Variants in PTPRO observed in about 807,000 individuals in gnomAD.
PTPRO encodes the protein receptor-type tyrosine-protein phosphatase O.
PTPRO carries 62 observed loss-of-function variants against 145.2 expected under a neutral mutation model. The observed-to-expected ratio is 0.43, with a 90% confidence interval of 0.35 to 0.53. PTPRO has a LOEUF of 0.53. Among genes scored for constraint, PTPRO ranks in the 20% least tolerant of loss-of-function variants. PTPRO has a pLI of 0.01. For synonymous variants in PTPRO, 565 were observed against 514.7 expected, an observed-to-expected ratio of 1.10 and a Z score of -1.32; for missense variants, 1,345 against 1,482.7, an observed-to-expected ratio of 0.91 and a Z score of 1.53.
intron 12 of PTPRO, among the ~76,000 whole-genome samples, chr12:15,526,715 C>CT (rs1942847166): frequency 1.3e-5 from 2 of 151,934 alleles, no homozygotes; most frequent in East Asian, 1.9e-4. Flanking sequence ...CAAAAAGAAA[C>CT]TAATTTATAA....
chr12:15,358,144 C>A (rs888900389), intron 1 of PTPRO, among the ~76,000 whole-genome samples: 24 of 147,620 alleles, frequency 1.6e-4, no homozygotes, highest in African/African-American at 6.0e-4. Flanking sequence ...GGACAAAAAA[C>A]CAAACACTCT....
intron 1 of PTPRO, chr12:15,348,748 A>G (rs1390643136): frequency 3.3e-5 from 5 of 151,722 alleles, no homozygotes; most frequent in Admixed American, 2.6e-4. Flanking sequence ...AGCTCGCGCC[A>G]CTGCATTCCA....
intron 1 of PTPRO, among the ~76,000 whole-genome samples, chr12:15,443,522 T>C (rs1036150958): frequency 1.3e-5 from 2 of 152,002 alleles, no homozygotes; most frequent in Admixed American, 1.3e-4. Context: ...CTAAAGAGCT[T>C]CTGCACACCG....
At chr12:15,471,450 GA>G (rs1181732637) in intron 1 of PTPRO, among the ~76,000 whole-genome samples, 1 of 152,062 alleles carries the variant, frequency 6.6e-6, no homozygotes, top group Non-Finnish European at 1.5e-5. Context: ...TATCTGAAAG[GA>G]TACATTTAGG....
chr12:15,514,474 G>GT (rs1219116695), intron 7 of PTPRO, among the ~76,000 whole-genome samples: 5,387 of 129,118 alleles, frequency 0.042, 139 homozygotes, highest in East Asian at 0.098. Flanking sequence ...AAAAAAAAAA[G>GT]AAAGAACAGT....
rs565874015 is a variant in PTPRO, at chr12:15,578,400, T to C, written c.2830-453T>C. On this transcript the variant is annotated intron_variant, in intron 19 of 26. Transcript: ENST00000281171. ...ACCACTAAGTTATCCAAGGTATTTATGTGTTGTATTAGATAGCTATTACCA... is the reference window on the plus strand; with the variant it reads ...ACCACTAAGTTATCCAAGGTATTTACGTGTTGTATTAGATAGCTATTACCA... Among the ~76,000 whole-genome samples, 7 of 152,362 alleles carry C rather than the reference T, an allele frequency of 4.6e-5. 1 individual carries two copies. The South Asian group carries it at 1.4e-3, about 32-fold the overall frequency.
rs75680066 is a variant in PTPRO, at chr12:15,537,907, G to A, written c.2165-8662G>A. Among the ~76,000 whole-genome samples, 222 of 152,278 alleles carry A rather than the reference G, an allele frequency of 1.5e-3. 2 individuals are homozygous for A. The East Asian group carries it at 0.041, about 28-fold the overall frequency. On this transcript the variant is annotated intron_variant, in intron 12 of 26. Transcript: ENST00000281171. Reference sequence around the variant, plus strand: ...AGACAGTATGGGCATTAATGGGATAGTGAGCAGAGTGAAGATCATGATAGC... The same window carrying A: ...AGACAGTATGGGCATTAATGGGATAATGAGCAGAGTGAAGATCATGATAGC...
intron 19 of PTPRO, among the ~76,000 whole-genome samples, chr12:15,570,559 A>C (rs1031046661): frequency 6.6e-6 from 1 of 152,176 alleles, no homozygotes; most frequent in African/African-American, 2.4e-5. Flanking sequence ...AAAATTCCAC[A>C]CAGAGCCTGC....
intron 1 of PTPRO, among the ~76,000 whole-genome samples, chr12:15,421,062 A>G (rs1418317131): frequency 1.3e-5 from 2 of 152,156 alleles, no homozygotes; most frequent in Admixed American, 1.3e-4. Flanking sequence ...ATTATTGTTT[A>G]TTTATCTATT....
intron 1 of PTPRO, among the ~76,000 whole-genome samples, chr12:15,370,277 T>A (rs961807364): frequency 1.3e-5 from 2 of 152,202 alleles, no homozygotes; most frequent in African/African-American, 4.8e-5. Context: ...GCCTCCTTTA[T>A]GTCTGAATTA....
intron 1 of PTPRO, among the ~76,000 whole-genome samples, chr12:15,340,062 G>T (rs1306291805): frequency 6.6e-6 from 1 of 152,162 alleles, no homozygotes; most frequent in Non-Finnish European, 1.5e-5. Context: ...TGATACTGAT[G>T]ATCCCTACCA....
intron 1 of PTPRO, among the ~76,000 whole-genome samples, chr12:15,479,080 A>T (rs1219249967): frequency 6.6e-6 from 1 of 152,062 alleles, no homozygotes; most frequent in Non-Finnish European, 1.5e-5. Flanking sequence ...AAGATCCCCA[A>T]CCCCTCTATT....
chr12:15,503,373 A>T (rs1565668920), intron 5 of PTPRO, among the ~76,000 whole-genome samples: 2 of 152,234 alleles, frequency 1.3e-5, no homozygotes, highest in Admixed American at 1.3e-4. Context: ...TCTGAAAGCA[A>T]ATGGATAAAG....
intron 18 of PTPRO, among the ~76,000 whole-genome samples, chr12:15,568,167 C>T (rs112276139): frequency 0.045 from 6,879 of 152,110 alleles, 496 homozygotes; most frequent in African/African-American, 0.15. Context: ...CAGTGGCTCA[C>T]ACCTGTAATC....
At chr12:15,554,014 A>G (rs547797182) in intron 15 of PTPRO, among the ~76,000 whole-genome samples, 1 of 152,208 alleles carries the variant, frequency 6.6e-6, no homozygotes, top group South Asian at 2.1e-4. Flanking sequence ...GACAAACATG[A>G]AGAAACCCTG....
chr12:15,546,597 A>G lies in PTPRO; in HGVS notation c.2193A>G (p.Ala731=). 2.5e-6 allele frequency: 4 copies of G among 1,612,246 alleles called. No individual in the cohort carries two copies. Among genetic ancestry groups the G allele is most frequent in the Non-Finnish European group, 3.4e-6 (4 of 1,179,008 alleles). The change falls in exon 13 of 27, where the codon GCA becomes GCG. Residue 731 remains alanine, a synonymous_variant. Coordinates refer to ENST00000281171, the MANE Select transcript of PTPRO (RefSeq NM_030667.3). ...CAGCTCCACCCAAATCACTCTTCGC[A>G]GTGAACAAAACCCAGACTTCAGTGA... The part of the protein sequence containing the change: ...LEPAPPKSLF[A]VNKTQTSVTL...
intron 10 of PTPRO, among the ~76,000 whole-genome samples, chr12:15,522,095 T>C (rs1161236595): frequency 6.6e-6 from 1 of 152,134 alleles, no homozygotes; most frequent in Non-Finnish European, 1.5e-5. Context: ...ATAAAATGGG[T>C]ATAATAATAA....
intron 1 of PTPRO, among the ~76,000 whole-genome samples, chr12:15,399,134 A>T (rs1404169049): frequency 6.6e-6 from 1 of 152,242 alleles, no homozygotes; most frequent in Non-Finnish European, 1.5e-5. Flanking sequence ...TTTAGATGCA[A>T]GTAAGAAAAA....
intron 1 of PTPRO, among the ~76,000 whole-genome samples, chr12:15,351,232 A>T (rs1363069532): frequency 1.3e-5 from 2 of 152,246 alleles, no homozygotes; most frequent in Non-Finnish European, 2.9e-5. Context: ...AACAACTTTT[A>T]CACACGTAAA....
Sources: allele counts gnomAD v4.1 joint callset (sites outside exome capture counted in the v4.1 genomes callset), GRCh38; gene constraint gnomAD v4.1.1; transcripts MANE v1.5; gene names NCBI Gene and HGNC (gene_info 2026-07-23, HGNC 2026-07-21).